EPHA3: variants seen among roughly 807,000 people sequenced by gnomAD.
EPHA3 encodes EPH receptor A3.
A neutral mutation model predicts 107.1 loss-of-function variants in EPHA3; 42 were observed. The observed-to-expected ratio is 0.39, with a 90% CI of 0.31 to 0.51. EPHA3 has a LOEUF of 0.51. Among genes scored for constraint, EPHA3 ranks in the 20% least tolerant of loss-of-function variants. The probability of loss-of-function intolerance (pLI) is 0.78; values close to 1 mark genes in which losing one functional copy is unlikely to be tolerated. For synonymous variants in EPHA3, 461 were observed against 424.8 expected (o/e 1.09, Z -1.05); for missense variants, 1,183 against 1,211.2 (o/e 0.98, Z 0.35).
At chr3:89,279,324 A>AATAACTT (rs760755633) in intron 3 of EPHA3, among the ~76,000 whole-genome samples, 9 of 152,066 alleles carry the variant, frequency 5.9e-5, no homozygotes, top group Non-Finnish European at 1.2e-4. Context: ...ATTCTAGAAA[A>AATAACTT]AGTTAGAGAA....
chr3:89,189,629 C>A (rs1333309950), intron 2 of EPHA3, among the ~76,000 whole-genome samples: 2 of 152,154 alleles, frequency 1.3e-5, no homozygotes, highest in Non-Finnish European at 2.9e-5. Flanking sequence ...AGAGACCTAG[C>A]TCTAGTCTAA....
chr3:89,427,113 A>G (rs1449420398), intron 11 of EPHA3, among the ~76,000 whole-genome samples: 2 of 152,012 alleles, frequency 1.3e-5, no homozygotes, highest in East Asian at 1.9e-4. Context: ...AACTAGATAG[A>G]TGTTACATGG....
intron 3 of EPHA3, among the ~76,000 whole-genome samples, chr3:89,330,255 A>T (rs1173585596): frequency 6.6e-6 from 1 of 151,966 alleles, no homozygotes; most frequent in Non-Finnish European, 1.5e-5. Context: ...AGACCCTAAA[A>T]TTACACTAAC....
intron 3 of EPHA3, among the ~76,000 whole-genome samples, chr3:89,263,821 G>C (rs2107285444): frequency 6.6e-6 from 1 of 152,258 alleles, no homozygotes; most frequent in Admixed American, 6.5e-5. Context: ...AGGCTTTTTG[G>C]CTTGATGGTG....
chr3:89,459,343 A>C (rs1710166433), intron 15 of EPHA3, among the ~76,000 whole-genome samples: 1 of 152,206 alleles, frequency 6.6e-6, no homozygotes, highest in Non-Finnish European at 1.5e-5. Context: ...AAGAATGAAA[A>C]CAAAAGAAGC....
At chr3:89,459,182 AC>A (rs1377459640) in intron 15 of EPHA3, among the ~76,000 whole-genome samples, 2 of 152,128 alleles carry the variant, frequency 1.3e-5, no homozygotes, top group South Asian at 2.1e-4. Flanking sequence ...GTACCCCAGA[AC>A]TTAAGGTAAA....
chr3:89,280,811 T>C (rs1384639243), intron 3 of EPHA3, among the ~76,000 whole-genome samples: 4 of 152,102 alleles, frequency 2.6e-5, no homozygotes, highest in Admixed American at 6.6e-5. Flanking sequence ...AGGGTAGATT[T>C]TGAGTTATTT....
chr3:89,162,253 G>T (rs190844839), intron 2 of EPHA3, among the ~76,000 whole-genome samples: 1 of 152,076 alleles, frequency 6.6e-6, no homozygotes, highest in Non-Finnish European at 1.5e-5. Flanking sequence ...TGGAAATCAT[G>T]CATTTTAGAA....
intron 3 of EPHA3, among the ~76,000 whole-genome samples, chr3:89,312,403 T>C (rs1241168281): frequency 6.6e-6 from 1 of 151,600 alleles, no homozygotes; most frequent in Non-Finnish European, 1.5e-5. Context: ...ATTTTCTACA[T>C]ACACAGTCAT....
chr3:89,279,312 C>T (rs1484724509), intron 3 of EPHA3, among the ~76,000 whole-genome samples: 3 of 151,852 alleles, frequency 2.0e-5, no homozygotes, highest in African/African-American at 7.3e-5. Flanking sequence ...ACTCTGTTTA[C>T]CATTCTAGAA....
chr3:89,312,603 T>C (rs758445775), intron 3 of EPHA3, among the ~76,000 whole-genome samples: 1 of 151,938 alleles, frequency 6.6e-6, no homozygotes. Context: ...TTATTTTAAG[T>C]TCAAGGATAC....
At chr3:89,456,904 T>C (rs1710108518) in intron 15 of EPHA3, among the ~76,000 whole-genome samples, 1 of 152,194 alleles carries the variant, frequency 6.6e-6, no homozygotes, top group Admixed American at 6.5e-5. Context: ...GTGATGATTA[T>C]ATAGGTACCA....
intron 3 of EPHA3, among the ~76,000 whole-genome samples, chr3:89,219,703 G>GTTTTTTTTTTTTTTTTTT (rs796857390): frequency 1.9e-4 from 5 of 26,238 alleles, no homozygotes; most frequent in Non-Finnish European, 2.9e-4. Flanking sequence ...TTTTTTTTTT[G>GTTTTTTTTTTTTTTTTTT]TTTTTTGTTT....
chr3:89,280,470 C>A (rs1422585881), intron 3 of EPHA3, among the ~76,000 whole-genome samples: 1 of 152,150 alleles, frequency 6.6e-6, no homozygotes, highest in African/African-American at 2.4e-5. Context: ...TTATACAAAT[C>A]AGAGCACTTG....
At position 89,419,244 on chromosome 3, in the gene EPHA3, C is replaced by G. The variant is rs146728702; in HGVS notation, c.1928C>G (p.Pro643Arg). The change falls in exon 11 of 17, where the codon CCT becomes CGT. Residue 643 changes from proline (P) to arginine (R), a missense_variant. Physicochemically the swap from Pro to Arg is moderately radical, Grantham distance 103. Coordinates refer to ENST00000336596, the MANE Select transcript of EPHA3 (RefSeq NM_005233.6). The stretch of plus-strand genomic sequence containing the variant: ...GTGTGCAGTGGTCGCTTAAAACTTC[C>G]TTCAAAAAAAGAGATTTCAGTGGCC... ...GEVCSGRLKL[P>R]SKKEISVAIK... The G allele has an allele frequency of 1.4e-4, 223 of 1,609,460 alleles. No homozygotes were observed. Among genetic ancestry groups the G allele is most frequent in the Non-Finnish European group, 1.9e-4 (220 of 1,177,358 alleles).
At chr3:89,328,773 C>T (rs1169306793) in intron 3 of EPHA3, among the ~76,000 whole-genome samples, 4 of 152,114 alleles carry the variant, frequency 2.6e-5, no homozygotes, top group Non-Finnish European at 2.9e-5. Flanking sequence ...ATACCAGTCT[C>T]ACATAATTGT....
chr3:89,126,933 T>C (rs985143386), intron 1 of EPHA3, among the ~76,000 whole-genome samples: 4 of 151,830 alleles, frequency 2.6e-5, no homozygotes, highest in Non-Finnish European at 4.4e-5. Context: ...TTTAAACCCA[T>C]AATTATTATG....
At chr3:89,275,071 G>T (rs538830547) in intron 3 of EPHA3, among the ~76,000 whole-genome samples, 2 of 152,102 alleles carry the variant, frequency 1.3e-5, no homozygotes, top group Admixed American at 1.3e-4. Flanking sequence ...CTTGTTCAAG[G>T]TCAAATAGAT....
At chr3:89,195,592 G>C (rs759656388) in intron 2 of EPHA3, among the ~76,000 whole-genome samples, 1 of 152,072 alleles carries the variant, frequency 6.6e-6, no homozygotes, top group Non-Finnish European at 1.5e-5. Context: ...AATATCAATC[G>C]TTTGTCAAGT....
Sources: allele counts gnomAD v4.1 joint callset (sites outside exome capture counted in the v4.1 genomes callset), GRCh38; gene constraint gnomAD v4.1.1; transcripts MANE v1.5; gene names NCBI Gene and HGNC (gene_info 2026-07-23, HGNC 2026-07-21).